KIAA0825: variants seen among roughly 807,000 people sequenced by gnomAD.
KIAA0825 encodes the protein KIAA0825, also known as uncharacterized protein KIAA0825.
Under a neutral mutation model 147.6 loss-of-function variants are expected in KIAA0825, and 119 were observed. The ratio of observed to expected loss-of-function variants is 0.81; its 90% CI spans 0.69 to 0.94. The LOEUF (loss-of-function observed/expected upper bound fraction) is 0.94, where lower values mean the gene tolerates loss of function less well. Ranked by LOEUF, KIAA0825 falls within the 40% of genes least tolerant of loss-of-function variation. The probability of loss-of-function intolerance (pLI) is 0.00; values close to 1 mark genes in which losing one functional copy is unlikely to be tolerated. For missense variants in KIAA0825, 1,381 were observed against 1,472.7 expected (o/e 0.94, Z 1.02); for synonymous variants, 470 against 518.1 (o/e 0.91, Z 1.26).
At chr5:94,163,376 A>G (rs917975330) in intron 20 of KIAA0825, among the ~76,000 whole-genome samples, 2 of 152,152 alleles carry the variant, frequency 1.3e-5, no homozygotes, top group Non-Finnish European at 2.9e-5. Context: ...ATTGATCCCA[A>G]TAACCTTTTC....
At chr5:94,584,891 T>G (rs1385206189) in intron 1 of KIAA0825, among the ~76,000 whole-genome samples, 1 of 152,146 alleles carries the variant, frequency 6.6e-6, no homozygotes, top group African/African-American at 2.4e-5. Flanking sequence ...AAATTCAACA[T>G]GCTTAAAGAA....
intron 20 of KIAA0825, among the ~76,000 whole-genome samples, chr5:94,154,647 G>A (rs552631519): frequency 3.3e-5 from 5 of 152,194 alleles, no homozygotes; most frequent in Middle Eastern, 3.4e-3. Flanking sequence ...AACCACTCTA[G>A]AAAAGTGGCA....
intron 2 of KIAA0825, chr5:94,568,645 C>T (rs1257478746): frequency 6.6e-6 from 1 of 152,444 alleles, no homozygotes; most frequent in African/African-American, 2.4e-5. Context: ...TAGACCTCAA[C>T]TACTTAACCA....
At position 94,403,565 on chromosome 5, in the gene KIAA0825, T is replaced by C; in HGVS notation, c.2887+4A>G. 1 of 1,549,840 alleles carries C rather than the reference T, an allele frequency of 6.5e-7. No homozygotes were observed. The highest frequency in any genetic ancestry group is 8.7e-7 in the Non-Finnish European group (1 of 1,145,626). On this transcript the variant is annotated splice_donor_region_variant and intron_variant, in intron 16 of 20. Coordinates refer to ENST00000682413, the MANE Select transcript of KIAA0825 (RefSeq NM_001145678.3). ...TTTTCTTAAAGAGAAACAAGTGTACTTACTTTTGCATGATTCTTTCCTGTT... is the reference window on the plus strand; with the variant it reads ...TTTTCTTAAAGAGAAACAAGTGTACCTACTTTTGCATGATTCTTTCCTGTT...
chr5:94,595,634 T>G (rs1170828255), intron 1 of KIAA0825, among the ~76,000 whole-genome samples: 1 of 152,240 alleles, frequency 6.6e-6, no homozygotes, highest in African/African-American at 2.4e-5. Flanking sequence ...GGCAGCTGCT[T>G]GAACTTCTCC....
chr5:94,199,240 G>A (rs1771431775), intron 20 of KIAA0825, among the ~76,000 whole-genome samples: 2 of 152,106 alleles, frequency 1.3e-5, no homozygotes, highest in Admixed American at 6.5e-5. Flanking sequence ...TTGTGCCCTT[G>A]AAGGTTTACT....
At chr5:94,509,066 G>A (rs1766129951) in intron 5 of KIAA0825, among the ~76,000 whole-genome samples, 2 of 152,286 alleles carry the variant, frequency 1.3e-5, no homozygotes, top group South Asian at 2.1e-4. Flanking sequence ...ATGAAGCAGG[G>A]GGGTCTGACT....
intron 20 of KIAA0825, among the ~76,000 whole-genome samples, chr5:94,383,027 T>C (rs1321564784): frequency 2.6e-5 from 4 of 152,218 alleles, no homozygotes; most frequent in Non-Finnish European, 5.9e-5. Context: ...ATAAACATCA[T>C]GTCACTATAG....
chr5:94,156,916 G>A (rs1005973299), intron 20 of KIAA0825, among the ~76,000 whole-genome samples: 2 of 151,814 alleles, frequency 1.3e-5, no homozygotes, highest in African/African-American at 2.4e-5. Flanking sequence ...AGTTCTTAAC[G>A]AAGTTTTTCT....
chr5:94,412,869 A>C (rs1752943896), intron 15 of KIAA0825: 1 of 152,114 alleles, frequency 6.6e-6, no homozygotes. Context: ...GTGGATTGAA[A>C]ATACAATATT....
At chr5:94,441,704 T>A (rs1757106835) in intron 13 of KIAA0825, among the ~76,000 whole-genome samples, 1 of 152,170 alleles carries the variant, frequency 6.6e-6, no homozygotes, top group Admixed American at 6.5e-5. Context: ...CTGTGCTGTA[T>A]CTCATCTTAG....
chr5:94,305,010 CT>C (rs1562362043), intron 20 of KIAA0825, among the ~76,000 whole-genome samples: 1 of 151,900 alleles, frequency 6.6e-6, no homozygotes, highest in Non-Finnish European at 1.5e-5. Flanking sequence ...TAAAACATAC[CT>C]TTAAAAAAGG....
At chr5:94,332,764 C>T (rs1781413915) in intron 20 of KIAA0825, among the ~76,000 whole-genome samples, 1 of 152,158 alleles carries the variant, frequency 6.6e-6, no homozygotes, top group Non-Finnish European at 1.5e-5. Context: ...ATTGCTGGGT[C>T]AAATGATATT....
At chr5:94,205,270 T>C (rs1303380937) in intron 20 of KIAA0825, among the ~76,000 whole-genome samples, 20 of 126,358 alleles carry the variant, frequency 1.6e-4, no homozygotes, top group Admixed American at 4.7e-4. Context: ...TATTTAATCA[T>C]ATATATATAT....
At chr5:94,290,880 C>G (rs918810082) in intron 20 of KIAA0825, among the ~76,000 whole-genome samples, 4 of 152,170 alleles carry the variant, frequency 2.6e-5, no homozygotes, top group Non-Finnish European at 5.9e-5. Context: ...TCTCTAATAA[C>G]CAGTGATGAT....
chr5:94,494,314 CTTTTTTTTTTTTTT>C (rs530332272), intron 5 of KIAA0825, among the ~76,000 whole-genome samples: 31 of 111,862 alleles, frequency 2.8e-4, no homozygotes, highest in African/African-American at 1.1e-3. Flanking sequence ...ATATTCAATC[CTTTTTTTTTTTTTT>C]TTTTTTTTTT....
At chr5:94,556,056 CTT>C (rs35657531) in intron 2 of KIAA0825, among the ~76,000 whole-genome samples, 22 of 144,422 alleles carry the variant, frequency 1.5e-4, no homozygotes, top group East Asian at 4.0e-4. Flanking sequence ...ACATCAATTA[CTT>C]TTTTTTTTTT....
At position 94,493,182 on chromosome 5, in the gene KIAA0825, A is replaced by C. The variant is rs138657604; in HGVS notation, c.971-8252T>G. Reference sequence around the variant, plus strand: ...CTCATTCAAGAGACCTGTAGTTTCTAGAAGTTTCTACTTCCCTTTGCAAGA... The same window carrying C: ...CTCATTCAAGAGACCTGTAGTTTCTCGAAGTTTCTACTTCCCTTTGCAAGA... On this transcript the variant is annotated intron_variant, in intron 5 of 20. Coordinates refer to ENST00000682413, the MANE Select transcript of KIAA0825 (RefSeq NM_001145678.3). Among the ~76,000 whole-genome samples the C allele has an allele frequency of 1.1e-3, 166 of 152,324 alleles. 1 individual carries two copies. Among genetic ancestry groups the C allele is most frequent in the African/African-American group, 3.5e-3 (147 of 41,584 alleles).
At chr5:94,586,678 C>T (rs955933704) in intron 1 of KIAA0825, among the ~76,000 whole-genome samples, 13 of 152,276 alleles carry the variant, frequency 8.5e-5, no homozygotes, top group South Asian at 2.1e-4. Context: ...GGGAATCCTC[C>T]CTAATTCATT....
Sources: allele counts gnomAD v4.1 joint callset (sites outside exome capture counted in the v4.1 genomes callset), GRCh38; gene constraint gnomAD v4.1.1; transcripts MANE v1.5; gene names NCBI Gene and HGNC (gene_info 2026-07-23, HGNC 2026-07-21).